ADAMTS2: variants seen among roughly 807,000 people sequenced by gnomAD.
ADAMTS2 encodes ADAM metallopeptidase with thrombospondin type 1 motif 2, also known as A disintegrin and metalloproteinase with thrombospondin motifs 2.
A neutral mutation model predicts 123.0 loss-of-function variants in ADAMTS2; 50 were observed. That is an observed-to-expected ratio of 0.41 (90% CI 0.32 to 0.51). The LOEUF (loss-of-function observed/expected upper bound fraction) is 0.51, where lower values mean the gene tolerates loss of function less well. Ranked by LOEUF, ADAMTS2 falls within the 20% of genes least tolerant of loss-of-function variation. ADAMTS2 has a pLI of 0.35. For synonymous variants in ADAMTS2, 678 were observed against 695.4 expected (o/e 0.98, Z 0.39); for missense variants, 1,494 against 1,705.2 (o/e 0.88, Z 2.18).
chr5:179,152,986 G>A (rs115660592), intron 9 of ADAMTS2, among the ~76,000 whole-genome samples: 74 of 152,310 alleles, frequency 4.9e-4, no homozygotes, highest in Non-Finnish European at 8.8e-4. Flanking sequence ...GCATTAAGAC[G>A]CTCATAGACA....
chr5:179,182,123 GC>G (rs1341470997), intron 4 of ADAMTS2, among the ~76,000 whole-genome samples: 1 of 152,276 alleles, frequency 6.6e-6, no homozygotes, highest in East Asian at 1.9e-4. Context: ...GGCCTGAGCC[GC>G]CCCTCATCAA....
intron 19 of ADAMTS2, among the ~76,000 whole-genome samples, chr5:179,123,062 T>C (rs1021506915): frequency 2.0e-5 from 3 of 152,208 alleles, no homozygotes; most frequent in African/African-American, 7.2e-5. Flanking sequence ...AGTGACAGCC[T>C]CACTTCTCTG....
Position 179,137,766 on chromosome 5 carries a change from C to A in ADAMTS2, c.1951+3G>T, listed in dbSNP as rs1181830676. 1.9e-6 allele frequency: 3 copies of A among 1,562,832 alleles called. No individual in the cohort carries two copies. In the Admixed American group the frequency reaches 5.5e-5, roughly 29 times the overall value. ...CCCACTGATGCCTCCCAGAAGGGCT[C>A]ACCATCCCGGTGCTCGTGGGGCAGC... On this transcript the variant is annotated splice_donor_region_variant and intron_variant, in intron 12 of 21. Coordinates refer to ENST00000251582, the MANE Select transcript of ADAMTS2 (RefSeq NM_014244.5).
chr5:179,116,155 C>T (rs1398678958), intron 21 of ADAMTS2, among the ~76,000 whole-genome samples: 3 of 152,154 alleles, frequency 2.0e-5, no homozygotes, highest in African/African-American at 7.2e-5. Context: ...TGAGCTGCCT[C>T]TTGGCTGCAC....
At chr5:179,187,589 T>TCC (rs1273663542) in intron 4 of ADAMTS2, among the ~76,000 whole-genome samples, 1 of 151,746 alleles carries the variant, frequency 6.6e-6, no homozygotes, top group Admixed American at 6.5e-5. Flanking sequence ...GCTAAGGGCC[T>TCC]CCCCTCCCCT....
Position 179,194,354 on chromosome 5 carries a change from C to T in ADAMTS2, c.891+13159G>A, listed in dbSNP as rs116130950. Among the ~76,000 whole-genome samples the T allele has an allele frequency of 1.9e-3, 290 of 152,334 alleles. 3 individuals carry two copies. The highest frequency in any genetic ancestry group is 6.8e-3 in the African/African-American group (281 of 41,576). On this transcript the variant is annotated intron_variant, in intron 4 of 21. Coordinates refer to ENST00000251582, the MANE Select transcript of ADAMTS2 (RefSeq NM_014244.5). The stretch of plus-strand genomic sequence containing the variant: ...CATGTGCTCCCTGCGGTCTGGATCC[C>T]GTGCTCACCACGACATCCCCAGCAC...
intron 2 of ADAMTS2, among the ~76,000 whole-genome samples, chr5:179,311,214 C>T (rs1756825025): frequency 6.6e-6 from 1 of 152,226 alleles, no homozygotes; most frequent in Admixed American, 6.5e-5. Flanking sequence ...ATCCCTCTCC[C>T]CCAGGGCCTG....
At chr5:179,324,851 T>C (rs948134040) in intron 2 of ADAMTS2, among the ~76,000 whole-genome samples, 1 of 152,180 alleles carries the variant, frequency 6.6e-6, no homozygotes, top group Non-Finnish European at 1.5e-5. Flanking sequence ...GAAGGTTTGC[T>C]GGAAGAGGGG....
Position 179,314,697 on chromosome 5 carries a change from T to G in ADAMTS2, c.534+29070A>C, listed in dbSNP as rs548888894. On this transcript the variant is annotated intron_variant, in intron 2 of 21. Transcript: ENST00000251582. This position sits in a 1 kb window ranked among gnomAD's most constrained non-coding sequence, Gnocchi z 4.5. Reference sequence around the variant, plus strand: ...TTACAAGCCCCTGATTCTGGGGGCTTCCACGCTCTTCCACCAAGCCCTTGT... The same window carrying G: ...TTACAAGCCCCTGATTCTGGGGGCTGCCACGCTCTTCCACCAAGCCCTTGT... 0.023 allele frequency among the ~76,000 whole-genome samples: 3,524 copies of G among 152,020 alleles called. 125 individuals carry two copies. Among genetic ancestry groups the G allele is most frequent in the African/African-American group, 0.08 (3,318 of 41,446 alleles).
In ADAMTS2 at chr5:179,218,664, G is replaced by A. The variant is rs370695971; in HGVS notation, c.689-10949C>T. Among the ~76,000 whole-genome samples the A allele has an allele frequency of 2.5e-3, 377 of 152,324 alleles. 1 individual carries two copies. Among genetic ancestry groups the A allele is most frequent in the South Asian group, 0.012 (60 of 4,828 alleles). On this transcript the variant is annotated intron_variant, in intron 3 of 21. Transcript: ENST00000251582. ...AGGGTGGGGAGGGGCTCCTGGGGCCGGCCTGGCCATCAGGAGCGCATCAGG... is the reference window on the plus strand; with the variant it reads ...AGGGTGGGGAGGGGCTCCTGGGGCCAGCCTGGCCATCAGGAGCGCATCAGG...
chr5:179,229,764 A>T (rs1765367346), intron 3 of ADAMTS2, among the ~76,000 whole-genome samples: 1 of 152,246 alleles, frequency 6.6e-6, no homozygotes, highest in African/African-American at 2.4e-5. Context: ...AATTACGTTA[A>T]TTGTCCAAGT....
intron 2 of ADAMTS2, among the ~76,000 whole-genome samples, chr5:179,309,758 A>C (rs1016358781): frequency 2.1e-3 from 88 of 42,492 alleles, no homozygotes; most frequent in African/African-American, 0.017. Context: ...CTCAGTCTCC[A>C]AAAAAAAAAA....
At chr5:179,193,125 T>G (rs2052472) in intron 4 of ADAMTS2, among the ~76,000 whole-genome samples, 37,283 of 152,020 alleles carry the variant, frequency 0.25, 7,618 homozygotes, top group African/African-American at 0.52. Flanking sequence ...CTATCTCCAC[T>G]ACCAGGTGGA....
chr5:179,148,546 G>A (rs964995052), intron 10 of ADAMTS2, among the ~76,000 whole-genome samples: 2 of 152,150 alleles, frequency 1.3e-5, no homozygotes, highest in African/African-American at 4.8e-5. Flanking sequence ...TCCCCACGGT[G>A]CTGGCCCTGA....
intron 2 of ADAMTS2, among the ~76,000 whole-genome samples, chr5:179,320,665 G>C (rs1757143639): frequency 6.6e-6 from 1 of 152,098 alleles, no homozygotes. Context: ...TCAGGAACCA[G>C]CTCTCATCCC....
rs3986821 is a variant in ADAMTS2 at position 179,299,530 on chromosome 5, A to AAC, written c.535-26468_535-26467dup. Among the ~76,000 whole-genome samples, 987 of 120,516 alleles carry AAC rather than the reference A, an allele frequency of 8.2e-3. 15 individuals are homozygous for AAC. The highest frequency in any genetic ancestry group is 0.029 in the African/African-American group (914 of 31,758). The allele number at this position is 120,516 out of a possible 152,430, so 79.1% of individuals were successfully genotyped here. ...GGCAACAGATCAAGACTCCAACTCA[A>AAC]ACACACACACACACACACACACACA... On this transcript the variant is annotated intron_variant, in intron 2 of 21. Transcript: ENST00000251582.
intron 3 of ADAMTS2, among the ~76,000 whole-genome samples, chr5:179,250,329 A>G (rs1765889723): frequency 6.6e-6 from 1 of 152,238 alleles, no homozygotes; most frequent in Admixed American, 6.5e-5. Flanking sequence ...AGAAAAAAAT[A>G]AATAAATAAA....
intron 5 of ADAMTS2, among the ~76,000 whole-genome samples, chr5:179,165,523 G>C (rs571892048): frequency 2.0e-5 from 3 of 152,266 alleles, no homozygotes; most frequent in East Asian, 1.9e-4. Context: ...TGTGCTGAGG[G>C]GGGGACCAGG....
At chr5:179,123,850 G>A (rs919758637) in intron 19 of ADAMTS2, among the ~76,000 whole-genome samples, 2 of 152,190 alleles carry the variant, frequency 1.3e-5, no homozygotes, top group Non-Finnish European at 2.9e-5. Flanking sequence ...AGTTGGTCTG[G>A]GTAGTTCATA....
Sources: allele counts gnomAD v4.1 joint callset (sites outside exome capture counted in the v4.1 genomes callset), GRCh38; gene constraint gnomAD v4.1.1; non-coding constraint Gnocchi (gnomAD v3.1); transcripts MANE v1.5; gene names NCBI Gene and HGNC (gene_info 2026-07-23, HGNC 2026-07-21).